The following PCDH11Y variants were observed in gnomAD, a reference collection of about 807,000 sequenced individuals.
The protein encoded by PCDH11Y is protocadherin 11 Y-linked.
For synonymous variants in PCDH11Y, 9 were observed against 83.6 expected (o/e 0.11, Z 4.87); for missense variants, 12 against 224.8 (o/e 0.05, Z 6.05).
intron 2 of PCDH11Y, among the ~76,000 whole-genome samples, chrY:5,473,045 T>C (rs2053315586): frequency 6.0e-5 from 2 of 33,242 alleles, no homozygotes; most frequent in Admixed American, 5.5e-4. Context: ...TCAGGTGACA[T>C]TTCTCAGTCC....
chrY:5,387,323 G>A (rs2124675496), intron 2 of PCDH11Y, among the ~76,000 whole-genome samples: 1 of 33,773 alleles, frequency 3.0e-5, no homozygotes, highest in East Asian at 8.0e-4. Context: ...ACCGCTCCTG[G>A]ACATTGCTGT....
At chrY:5,509,263 A>G in intron 3 of PCDH11Y, among the ~76,000 whole-genome samples, 5 of 32,447 alleles carry the variant, frequency 1.5e-4, no homozygotes, top group Non-Finnish European at 3.7e-4. Context: ...TTATTTTTTT[A>G]AAAAGGTTCC....
intron 3 of PCDH11Y, among the ~76,000 whole-genome samples, chrY:5,545,007 A>C (rs2053411459): frequency 3.1e-5 from 1 of 32,211 alleles, no homozygotes; most frequent in Non-Finnish European, 7.7e-5. Context: ...TTCCCTTTAA[A>C]GAAACACTAT....
At chrY:5,437,991 T>C in intron 2 of PCDH11Y, among the ~76,000 whole-genome samples, 1 of 33,105 alleles carries the variant, frequency 3.0e-5, no homozygotes, top group Non-Finnish European at 7.4e-5. Flanking sequence ...CTTTACACAG[T>C]TTCAATTTTT....
chrY:5,407,668 C>T lies in PCDH11Y; in HGVS notation c.3130-93389C>T, dbSNP rs1602920779. Among the ~76,000 whole-genome samples the T allele has an allele frequency of 2.5e-4, 8 of 32,526 alleles. No individual in the cohort carries two copies. In the South Asian group the frequency reaches 5.6e-3, roughly 23 times the overall value. The allele number at this position is 32,526 out of a possible 37,273, so 87.3% of individuals were successfully genotyped here. On this transcript the variant is annotated intron_variant, in intron 2 of 4. Transcript: ENST00000400457. The stretch of plus-strand genomic sequence containing the variant: ...GTGGCTGAGGCCTGTAATCCCAGCA[C>T]TTTGGGAGGCCAAGGCGGGCAGATC...
chrY:5,482,520 A>G (rs2522626), intron 2 of PCDH11Y, among the ~76,000 whole-genome samples: 2 of 33,542 alleles, frequency 6.0e-5, no homozygotes, highest in Non-Finnish European at 1.5e-4. Flanking sequence ...CTCTTGTAAC[A>G]TTTTTTGGTG....
intron 2 of PCDH11Y, among the ~76,000 whole-genome samples, chrY:5,415,931 GT>G (rs747855657): frequency 3.5e-5 from 1 of 28,644 alleles, no homozygotes; most frequent in African/African-American, 1.4e-4. Flanking sequence ...CACTTTTTTT[GT>G]TTTTTTTTGT....
intron 1 of PCDH11Y, among the ~76,000 whole-genome samples, chrY:5,080,289 G>A (rs2052717267): frequency 3.1e-5 from 1 of 32,780 alleles, no homozygotes; most frequent in African/African-American, 1.2e-4. Context: ...TGTTTATTTA[G>A]GATCCCTCTA....
At chrY:5,570,275 T>C (rs2053438325) in intron 3 of PCDH11Y, among the ~76,000 whole-genome samples, 1 of 32,193 alleles carries the variant, frequency 3.1e-5, no homozygotes, top group Non-Finnish European at 7.6e-5. Context: ...TGGCACTGCT[T>C]TTTATGCTTT....
Position 5,328,794 on chromosome Y carries a change from C to T in PCDH11Y, c.3130-172263C>T, listed in dbSNP as rs200957583. Among the ~76,000 whole-genome samples, 48 of 31,156 alleles carry T rather than the reference C, an allele frequency of 1.5e-3. No individual in the cohort carries two copies. In the East Asian group the frequency reaches 0.039, roughly 26 times the overall value. 83.6% of individuals were successfully genotyped at this position (31,156 alleles called of 37,273 possible). A position where few individuals can be genotyped will look rare whatever the true frequency, so the allele number is the denominator to read the frequency against. ...TTATAGGGTGGAGGAGTGGAGGCTG[C>T]GGAAGAATTGGGACCTAGCTCGGCC... On this transcript the variant is annotated intron_variant, in intron 2 of 4. Transcript: ENST00000400457.
At chrY:5,255,568 G>T (rs2124657413) in intron 2 of PCDH11Y, among the ~76,000 whole-genome samples, 1 of 32,638 alleles carries the variant, frequency 3.1e-5, no homozygotes, top group Non-Finnish European at 7.5e-5. Flanking sequence ...ATGCAGCAGT[G>T]GGATGGCGGG....
At chrY:5,032,696 A>G (rs768995906) in exon 3 of PCDH11Y, 1 of 396,461 alleles carries the variant, frequency 2.5e-6, no homozygotes, top group Non-Finnish European at 3.5e-6. Flanking sequence ...ATGAGGACTG[A>G]ATGACAGTGG....
At chrY:5,441,245 A>G in intron 2 of PCDH11Y, among the ~76,000 whole-genome samples, 1 of 32,801 alleles carries the variant, frequency 3.0e-5, no homozygotes, top group Non-Finnish European at 7.5e-5. Flanking sequence ...CTAAAAGTCT[A>G]ACATAGTAGG....
intron 2 of PCDH11Y, among the ~76,000 whole-genome samples, chrY:5,131,291 T>C: frequency 3.0e-5 from 1 of 33,315 alleles, no homozygotes; most frequent in African/African-American, 1.2e-4. Flanking sequence ...TCAGCCAACA[T>C]ACTTTACTGG....
chrY:5,327,496 A>C, intron 2 of PCDH11Y, among the ~76,000 whole-genome samples: 1 of 33,779 alleles, frequency 3.0e-5, no homozygotes, highest in Non-Finnish European at 7.3e-5. Flanking sequence ...TAGTGTTAAC[A>C]GGCTTTAATC....
intron 2 of PCDH11Y, among the ~76,000 whole-genome samples, chrY:5,295,103 G>A: frequency 3.0e-5 from 1 of 33,093 alleles, no homozygotes; most frequent in Non-Finnish European, 7.4e-5. Flanking sequence ...TGAAAAGTTT[G>A]ATGCAAGATG....
chrY:5,649,606 G>A, intron 4 of PCDH11Y, among the ~76,000 whole-genome samples: 1 of 31,469 alleles, frequency 3.2e-5, no homozygotes, highest in African/African-American at 1.2e-4. Context: ...TTATTTTACC[G>A]TTTATAAAAA....
intron 2 of PCDH11Y, among the ~76,000 whole-genome samples, chrY:5,322,326 C>T: frequency 3.1e-5 from 1 of 32,083 alleles, no homozygotes; most frequent in African/African-American, 1.2e-4. Context: ...CTAGCACCCC[C>T]GTAATACCAA....
At chrY:5,618,357 T>C (rs2053496114) in intron 4 of PCDH11Y, among the ~76,000 whole-genome samples, 1 of 31,897 alleles carries the variant, frequency 3.1e-5, no homozygotes, top group Non-Finnish European at 7.6e-5. Context: ...CAAAATCATT[T>C]CAATAAACTG....
Sources: allele counts gnomAD v4.1 joint callset (sites outside exome capture counted in the v4.1 genomes callset), GRCh38; gene constraint gnomAD v4.1.1; transcripts MANE v1.5; gene names NCBI Gene and HGNC (gene_info 2026-07-23, HGNC 2026-07-21).